The following SPATS2 variants were observed in gnomAD, a reference collection of about 807,000 sequenced individuals.
SPATS2 encodes the protein spermatogenesis-associated serine-rich protein 2.
SPATS2 carries 38 observed loss-of-function variants against 63.7 expected under a neutral mutation model. The observed-to-expected ratio is 0.60, with a 90% CI of 0.46 to 0.78. SPATS2 has a LOEUF of 0.78. Among genes scored for constraint, SPATS2 ranks in the 30% least tolerant of loss-of-function variants. The probability of loss-of-function intolerance (pLI) is 0.00; values close to 1 mark genes in which losing one functional copy is unlikely to be tolerated. For synonymous variants in SPATS2, 207 were observed against 232.9 expected, an observed-to-expected ratio of 0.89 and a Z score of 1.01; for missense variants, 588 against 666.2, an observed-to-expected ratio of 0.88 and a Z score of 1.29.
intron 2 of SPATS2, among the ~76,000 whole-genome samples, chr12:49,403,496 C>T (rs1481678471): frequency 2.0e-5 from 3 of 151,374 alleles, no homozygotes; most frequent in South Asian, 2.1e-4. Context: ...GGTGTGGTGG[C>T]GGGTGCTTGT....
At chr12:49,405,815 T>C (rs1025535614) in intron 2 of SPATS2, among the ~76,000 whole-genome samples, 5 of 152,230 alleles carry the variant, frequency 3.3e-5, no homozygotes, top group Non-Finnish European at 5.9e-5. Flanking sequence ...TAGACGACTT[T>C]CGTGTATATA....
In SPATS2 at chr12:49,526,268, T is replaced by C. The variant is rs759718988; in HGVS notation, c.*13T>C. On this transcript the variant is annotated 3_prime_UTR_variant, in exon 14 of 14. Transcript: ENST00000552918. ...CGTGAACTCTTGAGAGAAAATCCAG[T>C]TGGCCTCTCTCCTCTATCCACACAA... 1 of 1,593,550 alleles carries C rather than the reference T, an allele frequency of 6.3e-7. No homozygotes were observed. Among genetic ancestry groups the C allele is most frequent in the Non-Finnish European group, 8.5e-7 (1 of 1,170,146 alleles).
chr12:49,523,203 C>T (rs1329757674), intron 12 of SPATS2, among the ~76,000 whole-genome samples: 5 of 152,082 alleles, frequency 3.3e-5, no homozygotes, highest in Admixed American at 6.6e-5. Context: ...GGCCACGCGC[C>T]GAGGCTCACA....
intron 2 of SPATS2, among the ~76,000 whole-genome samples, chr12:49,436,104 C>G (rs911984861): frequency 3.3e-5 from 5 of 152,062 alleles, no homozygotes; most frequent in African/African-American, 7.2e-5. Context: ...TACCCCCTTT[C>G]TATTCCACAA....
At chr12:49,475,509 C>T (rs945941000) in intron 3 of SPATS2, among the ~76,000 whole-genome samples, 1 of 152,114 alleles carries the variant, frequency 6.6e-6, no homozygotes, top group Non-Finnish European at 1.5e-5. Context: ...GGCGTGGTCT[C>T]GGCTCACTGC....
At chr12:49,399,419 C>A (rs568327184) in intron 2 of SPATS2, among the ~76,000 whole-genome samples, 1 of 152,066 alleles carries the variant, frequency 6.6e-6, no homozygotes, top group Non-Finnish European at 1.5e-5. Context: ...GAGAAATAAG[C>A]CCAAGATGGA....
intron 2 of SPATS2, among the ~76,000 whole-genome samples, chr12:49,459,137 CA>C (rs1368556978): frequency 6.6e-6 from 1 of 151,956 alleles, no homozygotes; most frequent in Non-Finnish European, 1.5e-5. Flanking sequence ...AAAATTTAAG[CA>C]GAGAAGGAGA....
intron 7 of SPATS2, among the ~76,000 whole-genome samples, chr12:49,496,340 T>C (rs1946463335): frequency 6.6e-6 from 1 of 152,244 alleles, no homozygotes; most frequent in Non-Finnish European, 1.5e-5. Context: ...CTTAAACTCC[T>C]GTGCTCAAGT....
intron 2 of SPATS2, among the ~76,000 whole-genome samples, chr12:49,436,520 G>C (rs868646619): frequency 2.6e-3 from 309 of 118,278 alleles, no homozygotes; most frequent in Middle Eastern, 5.1e-3. Flanking sequence ...CTGGCCGGGC[G>C]GGGGGCTGAC....
intron 10 of SPATS2, among the ~76,000 whole-genome samples, chr12:49,516,160 AAAAAAAATATAT>A (rs1946840173): frequency 3.3e-5 from 1 of 29,890 alleles, no homozygotes; most frequent in African/African-American, 2.4e-4. Flanking sequence ...AAAAAAAAAA[AAAAAAAATATAT>A]ATATATATAT....
chr12:49,397,256 C>T (rs938865196), intron 2 of SPATS2, among the ~76,000 whole-genome samples: 8 of 152,114 alleles, frequency 5.3e-5, no homozygotes, highest in Admixed American at 6.6e-5. Flanking sequence ...TCATAGCATC[C>T]TAAGCTTTAT....
intron 2 of SPATS2, among the ~76,000 whole-genome samples, chr12:49,402,822 T>C (rs1944629076): frequency 6.6e-6 from 1 of 152,040 alleles, no homozygotes; most frequent in African/African-American, 2.4e-5. Context: ...ATAAATAACT[T>C]TACCTCTTCT....
chr12:49,512,389 A>AT (rs1488350570), intron 9 of SPATS2, among the ~76,000 whole-genome samples: 1 of 152,126 alleles, frequency 6.6e-6, no homozygotes, highest in Non-Finnish European at 1.5e-5. Flanking sequence ...ATGTATTTTA[A>AT]TTTTAATTTT....
Position 49,403,642 on chromosome 12 carries a change from A to AC in SPATS2, c.-244+32352_-244+32353insC, listed in dbSNP as rs1555180281. On this transcript the variant is annotated intron_variant, in intron 2 of 13. Transcript: ENST00000552918. ...ACACACACACACACACACACACACA[A>AC]ACAAAACTGGAATTCTCTGTTATGG... Among the ~76,000 whole-genome samples, 1,134 of 118,028 alleles carry AC rather than the reference A, an allele frequency of 9.6e-3. 14 individuals carry two copies. The highest frequency in any genetic ancestry group is 0.031 in the African/African-American group (996 of 31,928). The allele number at this position is 118,028 out of a possible 152,430, so 77.4% of individuals were successfully genotyped here.
intron 4 of SPATS2, among the ~76,000 whole-genome samples, chr12:49,485,067 C>CTT (rs1172351346): frequency 1.8e-4 from 25 of 138,158 alleles, no homozygotes; most frequent in South Asian, 2.3e-4. Context: ...AGAAATAGGT[C>CTT]TTTTTTTTTT....
Position 49,500,066 on chromosome 12 carries a change from C to A in SPATS2, c.704-4C>A. The A allele has an allele frequency of 1.4e-6, 2 of 1,437,168 alleles. No homozygotes were observed. The highest frequency in any genetic ancestry group is 1.7e-5 in the South Asian group (1 of 58,450). The allele number at this position is 1,437,168 out of a possible 1,614,324, so 89.0% of individuals were successfully genotyped here. ...TTTTTAATATTTCGGTTTTTTTCCCCAAGGTTCCAATATTGAAAAATCTGT... is the reference window on the plus strand; with the variant it reads ...TTTTTAATATTTCGGTTTTTTTCCCAAAGGTTCCAATATTGAAAAATCTGT... On this transcript the variant is annotated splice_polypyrimidine_tract_variant and splice_region_variant and intron_variant, in intron 8 of 13. Coordinates refer to ENST00000552918, the MANE Select transcript of SPATS2 (RefSeq NM_023071.4).
At chr12:49,469,470 G>GAATCACTCAA in intron 3 of SPATS2, 8 of 378,038 alleles carry the variant, frequency 2.1e-5, no homozygotes, top group South Asian at 1.5e-4. Flanking sequence ...TGAGGCAGGG[G>GAATCACTCAA]AATCACTCAA....
At chr12:49,478,783 T>C (rs1181363150) in intron 3 of SPATS2, among the ~76,000 whole-genome samples, 2 of 152,184 alleles carry the variant, frequency 1.3e-5, no homozygotes, top group African/African-American at 4.8e-5. Flanking sequence ...CTTTGGAGTG[T>C]CACTTTTCTG....
chr12:49,424,683 TTTTG>T (rs1328735354), intron 2 of SPATS2, among the ~76,000 whole-genome samples: 1 of 152,078 alleles, frequency 6.6e-6, no homozygotes, highest in Non-Finnish European at 1.5e-5. Context: ...TTTTTATTTG[TTTTG>T]TTTGTTTGAG....
Sources: allele counts gnomAD v4.1 joint callset (sites outside exome capture counted in the v4.1 genomes callset), GRCh38; gene constraint gnomAD v4.1.1; transcripts MANE v1.5; gene names NCBI Gene and HGNC (gene_info 2026-07-23, HGNC 2026-07-21).